Variants in KCNMA1 observed in about 807,000 individuals in gnomAD.
KCNMA1 encodes potassium calcium-activated channel subfamily M alpha 1.
In KCNMA1, 29 loss-of-function variants were observed where a neutral mutation model predicts 140.0. The ratio of observed to expected loss-of-function variants is 0.21; its 90% CI spans 0.15 to 0.28. The LOEUF is 0.28. KCNMA1 is among the 10% of genes least tolerant of loss of function. The pLI, the probability that KCNMA1 is intolerant of heterozygous loss-of-function variation, is 1.00. For synonymous variants in KCNMA1, 612 were observed against 611.9 expected, an observed-to-expected ratio of 1.00 and a Z score of 0.00; for missense variants, 880 against 1,602.2, an observed-to-expected ratio of 0.55 and a Z score of 7.70.
intron 2 of KCNMA1, among the ~76,000 whole-genome samples, chr10:77,258,603 C>T (rs1476615336): frequency 6.6e-6 from 1 of 152,148 alleles, no homozygotes; most frequent in African/African-American, 2.4e-5. Context: ...ATTTTTTTCT[C>T]TTTACTGTTT....
chr10:77,079,803 G>T, intron 12 of KCNMA1: 2 of 549,516 alleles, frequency 3.6e-6, no homozygotes, highest in Non-Finnish European at 6.5e-6. Context: ...GCAACACCCA[G>T]GAGGTTCCCT....
chr10:77,286,750 GGT>G (rs10588746), intron 2 of KCNMA1, among the ~76,000 whole-genome samples: 69,963 of 133,026 alleles, frequency 0.53, 18,501 homozygotes, highest in Non-Finnish European at 0.6. Flanking sequence ...GACTAGGGAC[GGT>G]GTGTGTGTGT....
intron 19 of KCNMA1, among the ~76,000 whole-genome samples, chr10:76,972,805 G>A (rs1456734481): frequency 6.6e-6 from 1 of 152,134 alleles, no homozygotes; most frequent in Non-Finnish European, 1.5e-5. Flanking sequence ...CTGTGTAATG[G>A]AGACCATTAC....
intron 23 of KCNMA1, among the ~76,000 whole-genome samples, chr10:76,921,908 G>A (rs1457897873): frequency 2.0e-5 from 3 of 152,164 alleles, no homozygotes; most frequent in African/African-American, 4.8e-5. Context: ...GAGTCAGGAA[G>A]GCCAGGCAGC....
intron 25 of KCNMA1, among the ~76,000 whole-genome samples, chr10:76,894,339 C>T (rs1484680200): frequency 6.6e-6 from 1 of 151,932 alleles, no homozygotes; most frequent in African/African-American, 2.4e-5. Flanking sequence ...CAAAAGGGGT[C>T]AAAGATCTAA....
intron 11 of KCNMA1, 129 bp from the exon 12 acceptor site, chr10:77,084,848 T>C (rs2096657796): frequency 7.2e-6 from 5 of 696,388 alleles, no homozygotes; most frequent in Non-Finnish European, 1.3e-5. Flanking sequence ...CCTGAGAGCC[T>C]GAGAGATTAT....
intron 1 of KCNMA1, among the ~76,000 whole-genome samples, chr10:77,451,674 G>A (rs2097662913): frequency 6.6e-6 from 1 of 152,090 alleles, no homozygotes; most frequent in South Asian, 2.1e-4. Context: ...CCCAGGAGTA[G>A]GCAGTCTATG....
intron 5 of KCNMA1, among the ~76,000 whole-genome samples, chr10:77,127,188 C>T (rs540156345): frequency 2.0e-5 from 3 of 151,348 alleles, no homozygotes; most frequent in Non-Finnish European, 4.4e-5. Context: ...TGACATTAAT[C>T]TATTATTATT....
intron 5 of KCNMA1, among the ~76,000 whole-genome samples, chr10:77,155,423 A>G (rs933077483): frequency 1.3e-5 from 2 of 152,170 alleles, no homozygotes; most frequent in East Asian, 3.9e-4. Context: ...CAGATGTGGC[A>G]GCAGTTGAGG....
chr10:77,282,215 C>A, intron 2 of KCNMA1, among the ~76,000 whole-genome samples: 1 of 152,112 alleles, frequency 6.6e-6, no homozygotes. Context: ...GGAAAGAGAA[C>A]AATGTGTGGG....
At chr10:77,424,189 T>C (rs1265681945) in intron 1 of KCNMA1, among the ~76,000 whole-genome samples, 1 of 152,244 alleles carries the variant, frequency 6.6e-6, no homozygotes, top group Non-Finnish European at 1.5e-5. Context: ...TGAGCTATAA[T>C]ACAGGAATAA....
chr10:77,637,163 G>A, intron 1 of KCNMA1, 102 bp downstream of exon 1: 2 of 1,263,588 alleles, frequency 1.6e-6, no homozygotes, highest in Non-Finnish European at 1.1e-6. Flanking sequence ...AGGCGGGGAT[G>A]GAGGGAGGCA....
At chr10:77,611,920 T>C (rs1167827448) in intron 1 of KCNMA1, among the ~76,000 whole-genome samples, 1 of 152,178 alleles carries the variant, frequency 6.6e-6, no homozygotes, top group African/African-American at 2.4e-5. Context: ...GAGTTCATAA[T>C]CTAATCAGCA....
chr10:77,548,811 CA>C (rs1275519262), intron 1 of KCNMA1, among the ~76,000 whole-genome samples: 1 of 152,196 alleles, frequency 6.6e-6, no homozygotes, highest in East Asian at 1.9e-4. Flanking sequence ...CTCAGTCATG[CA>C]ACAAGTAATT....
intron 1 of KCNMA1, among the ~76,000 whole-genome samples, chr10:77,537,843 A>C (rs2059259494): frequency 1.3e-5 from 2 of 152,062 alleles, no homozygotes; most frequent in South Asian, 4.2e-4. Context: ...CCCGGCGCAC[A>C]TTCTTCCTGG....
intron 2 of KCNMA1, among the ~76,000 whole-genome samples, chr10:77,390,121 T>G (rs569060148): frequency 6.6e-6 from 1 of 152,238 alleles, no homozygotes; most frequent in South Asian, 2.1e-4. Flanking sequence ...ATAAAGATAT[T>G]TTGGGCTGCA....
Position 77,523,428 on chromosome 10 carries a change from C to T in KCNMA1, c.378+113837G>A, listed in dbSNP as rs116302338. Among the ~76,000 whole-genome samples, 241 of 152,284 alleles carry T rather than the reference C, an allele frequency of 1.6e-3. 1 individual carries two copies. Among genetic ancestry groups the T allele is most frequent in the African/African-American group, 5.6e-3 (233 of 41,552 alleles). Reference sequence around the variant, plus strand: ...GGAGGTATAAAAACACACAGAAAGACCAAGACAGAAGCTAAAACATAGGGA... The same window carrying T: ...GGAGGTATAAAAACACACAGAAAGATCAAGACAGAAGCTAAAACATAGGGA... On this transcript the variant is annotated intron_variant, in intron 1 of 27. Transcript: ENST00000286628.
At chr10:77,254,240 T>A (rs2060246289) in intron 2 of KCNMA1, among the ~76,000 whole-genome samples, 1 of 151,538 alleles carries the variant, frequency 6.6e-6, no homozygotes, top group East Asian at 1.9e-4. Flanking sequence ...TTTTTTTTTT[T>A]AGACAGATCC....
intron 1 of KCNMA1, among the ~76,000 whole-genome samples, chr10:77,508,308 G>A (rs1468214861): frequency 6.6e-6 from 1 of 151,024 alleles, no homozygotes; most frequent in Non-Finnish European, 1.5e-5. Flanking sequence ...CTAAGTAGCT[G>A]GGACTACAGA....
Sources: allele counts gnomAD v4.1 joint callset (sites outside exome capture counted in the v4.1 genomes callset), GRCh38; gene constraint gnomAD v4.1.1; transcripts MANE v1.5; gene names NCBI Gene and HGNC (gene_info 2026-07-23, HGNC 2026-07-21).